ZNF277: variants seen among roughly 807,000 people sequenced by gnomAD.
ZNF277 encodes the protein nuclear receptor-interacting factor 4.
ZNF277 carries 55 observed loss-of-function variants against 60.7 expected under a neutral mutation model. The observed-to-expected ratio is 0.91, with a 90% CI of 0.73 to 1.13. The LOEUF (loss-of-function observed/expected upper bound fraction) is 1.13. Among genes scored for constraint, ZNF277 ranks in the 50% most tolerant of loss-of-function variants. The pLI, the probability that ZNF277 is intolerant of heterozygous loss-of-function variation, is 0.00. For synonymous variants in ZNF277, 178 were observed against 179.3 expected (o/e 0.99, Z 0.06); for missense variants, 510 against 523.0 (o/e 0.98, Z 0.24).
intron 5 of ZNF277, among the ~76,000 whole-genome samples, chr7:112,325,214 A>C (rs1793068248): frequency 6.6e-6 from 1 of 152,208 alleles, no homozygotes; most frequent in Non-Finnish European, 1.5e-5. Flanking sequence ...CCTGGATATC[A>C]GGCTTGGAAT....
chr7:112,219,721 G>A (rs1333229574), intron 1 of ZNF277, among the ~76,000 whole-genome samples: 2 of 152,138 alleles, frequency 1.3e-5, no homozygotes, highest in Non-Finnish European at 2.9e-5. Context: ...CTGCAGCCTT[G>A]ATCTATTGGG....
At chr7:112,243,093 A>G (rs1019568582) in intron 1 of ZNF277, among the ~76,000 whole-genome samples, 3 of 152,004 alleles carry the variant, frequency 2.0e-5, no homozygotes, top group Non-Finnish European at 4.4e-5. Flanking sequence ...TATTCGATCT[A>G]TGGTAACAAT....
intron 1 of ZNF277, among the ~76,000 whole-genome samples, chr7:112,273,183 G>A (rs1338311825): frequency 1.3e-5 from 2 of 152,078 alleles, no homozygotes; most frequent in Admixed American, 6.6e-5. Flanking sequence ...ATTTATTTGC[G>A]ACCCAAGTGC....
intron 1 of ZNF277, among the ~76,000 whole-genome samples, chr7:112,252,890 C>A (rs1439727118): frequency 6.6e-6 from 1 of 152,110 alleles, no homozygotes; most frequent in East Asian, 1.9e-4. Flanking sequence ...CCCTAAGAAC[C>A]TAGATGTAGT....
At chr7:112,278,045 A>G (rs1217122976) in intron 1 of ZNF277, among the ~76,000 whole-genome samples, 1 of 152,188 alleles carries the variant, frequency 6.6e-6, no homozygotes, top group African/African-American at 2.4e-5. Flanking sequence ...CTTTGTCTTC[A>G]ATATGAACAG....
chr7:112,208,187 C>T (rs1821618060), intron 1 of ZNF277, among the ~76,000 whole-genome samples: 1 of 151,652 alleles, frequency 6.6e-6, no homozygotes, highest in African/African-American at 2.4e-5. Context: ...CCAGCCTGGC[C>T]AATATGGTGA....
intron 1 of ZNF277, among the ~76,000 whole-genome samples, chr7:112,253,403 CA>C (rs1212359574): frequency 6.6e-6 from 1 of 152,162 alleles, no homozygotes; most frequent in East Asian, 1.9e-4. Context: ...AACCACGTGT[CA>C]CTAAAAGCAA....
chr7:112,330,142 A>T lies in ZNF277; in HGVS notation c.727A>T (p.Met243Leu), dbSNP rs777414185. ...GGACAAAAATACACTTAAAGATCAC[A>T]TGAGGAAAAAACAGCATCGTAAGAT... ...FRDKNTLKDH[M>L]RKKQHRKINP... The change falls in exon 7 of 12, where the codon ATG becomes TTG. Residue 243 changes from methionine (M) to leucine (L), a missense_variant. By Grantham distance (15) the Met-to-Leu change is conservative. Coordinates refer to ENST00000361822, the MANE Select transcript of ZNF277 (RefSeq NM_021994.3). 6.2e-7 allele frequency: 1 copy of T among 1,613,510 alleles called. No homozygotes were observed. Among genetic ancestry groups the T allele is most frequent in the Non-Finnish European group, 8.5e-7 (1 of 1,179,780 alleles).
chr7:112,336,627 T>G (rs1793340049), intron 8 of ZNF277, among the ~76,000 whole-genome samples: 1 of 152,218 alleles, frequency 6.6e-6, no homozygotes, highest in Non-Finnish European at 1.5e-5. Context: ...GAAATGTTCT[T>G]TTCAACCTAA....
At chr7:112,337,671 G>A (rs1434116100) in intron 8 of ZNF277, 59 bp from the exon 9 acceptor site, 1 of 1,453,474 alleles carries the variant, frequency 6.9e-7, no homozygotes, top group Non-Finnish European at 9.5e-7. Flanking sequence ...AAGTCACTGT[G>A]TAGTATACTC....
intron 2 of ZNF277, among the ~76,000 whole-genome samples, chr7:112,289,866 C>T (rs1486286451): frequency 6.6e-6 from 1 of 152,072 alleles, no homozygotes; most frequent in African/African-American, 2.4e-5. Context: ...GCTGGGACTA[C>T]AGGCATGCAC....
At chr7:112,296,365 T>C in intron 4 of ZNF277, 54 bp downstream of exon 4, 1 of 809,732 alleles carries the variant, frequency 1.2e-6, no homozygotes. Context: ...TATAAATACA[T>C]ATAAAATCAT....
At chr7:112,268,507 T>C (rs1472285867) in intron 1 of ZNF277, among the ~76,000 whole-genome samples, 1 of 152,098 alleles carries the variant, frequency 6.6e-6, no homozygotes, top group African/African-American at 2.4e-5. Flanking sequence ...TATGAGATCA[T>C]TTGGTAAACA....
chr7:112,274,311 C>T (rs1367616552), intron 1 of ZNF277, among the ~76,000 whole-genome samples: 1 of 151,990 alleles, frequency 6.6e-6, no homozygotes, highest in Non-Finnish European at 1.5e-5. Context: ...GTGTGTGCCA[C>T]CATGCCCAGC....
rs550168446 is a variant in ZNF277 at position 112,313,435 on chromosome 7, A to ACCAT, written c.466-4746_466-4743dup. ...GATAGCTGGACTACAGGCACGCACC[A>ACCAT]CCATGCCTGGCCAATTGTTTTATTT... On this transcript the variant is annotated intron_variant, in intron 4 of 11. Transcript: ENST00000361822. Among the ~76,000 whole-genome samples the ACCAT allele has an allele frequency of 5.9e-5, 9 of 151,978 alleles. No individual in the cohort carries two copies. In the South Asian group the frequency reaches 1.9e-3, roughly 32 times the overall value.
intron 2 of ZNF277, among the ~76,000 whole-genome samples, chr7:112,295,244 G>T (rs140011709): frequency 5.9e-5 from 9 of 152,090 alleles, no homozygotes; most frequent in African/African-American, 1.7e-4. Flanking sequence ...TGTAGGTCTG[G>T]GTGTTAGGCT....
rs568178105 is a variant in ZNF277, at chr7:112,328,898, G to A, written c.668+1071G>A. Among the ~76,000 whole-genome samples the A allele has an allele frequency of 1.6e-3, 237 of 151,970 alleles. 1 individual carries two copies. The highest frequency in any genetic ancestry group is 5.4e-3 in the African/African-American group (224 of 41,490). ...AAATAAATAAATAAATAAATAAGAG[G>A]AAGCAAGTAATACAGATTAATTATA... On this transcript the variant is annotated intron_variant, in intron 6 of 11. Transcript: ENST00000361822.
rs142044963 is a variant in ZNF277, at chr7:112,225,858, A to G, written c.91+19051A>G. On this transcript the variant is annotated intron_variant, in intron 1 of 11. Transcript: ENST00000361822. Reference sequence around the variant, plus strand: ...GGACAGTATTCCAGGACTCCATAGAATTATGAGGGAGAAAAGTATTATGAT... The same window carrying G: ...GGACAGTATTCCAGGACTCCATAGAGTTATGAGGGAGAAAAGTATTATGAT... Among the ~76,000 whole-genome samples the G allele has an allele frequency of 1.6e-3, 240 of 152,328 alleles. 2 individuals are homozygous for G. Among genetic ancestry groups the G allele is most frequent in the African/African-American group, 5.6e-3 (231 of 41,576 alleles).
At chr7:112,231,816 A>G (rs1001667840) in intron 1 of ZNF277, among the ~76,000 whole-genome samples, 1 of 151,974 alleles carries the variant, frequency 6.6e-6, no homozygotes, top group Non-Finnish European at 1.5e-5. Flanking sequence ...GAGTATTTCC[A>G]CTGATCAGTT....
Sources: allele counts gnomAD v4.1 joint callset (sites outside exome capture counted in the v4.1 genomes callset), GRCh38; gene constraint gnomAD v4.1.1; transcripts MANE v1.5; gene names NCBI Gene and HGNC (gene_info 2026-07-23, HGNC 2026-07-21).